TRANK1: variants seen among roughly 807,000 people sequenced by gnomAD.
TRANK1 encodes TPR and ankyrin repeat-containing protein 1.
In TRANK1, 198 loss-of-function variants were observed where a neutral mutation model predicts 266.0. The ratio of observed to expected loss-of-function variants is 0.74; its 90% CI spans 0.66 to 0.84. The LOEUF is 0.84. Among genes scored for constraint, TRANK1 ranks in the 40% least tolerant of loss-of-function variants. The probability of loss-of-function intolerance (pLI) is 0.00; values close to 1 mark genes in which losing one functional copy is unlikely to be tolerated. For missense variants in TRANK1, 3,326 were observed against 3,634.6 expected, an observed-to-expected ratio of 0.92 and a Z score of 2.18; for synonymous variants, 1,396 against 1,384.1, an observed-to-expected ratio of 1.01 and a Z score of -0.19.
chr3:36,936,832 T>G (rs886407411), intron 1 of TRANK1, among the ~76,000 whole-genome samples: 4 of 152,220 alleles, frequency 2.6e-5, no homozygotes, highest in Non-Finnish European at 5.9e-5. Context: ...GACGGCATGA[T>G]GGCTCACGCC....
chr3:36,941,905 G>A (rs1042390499), intron 1 of TRANK1, among the ~76,000 whole-genome samples: 38 of 152,196 alleles, frequency 2.5e-4, no homozygotes, highest in Admixed American at 1.6e-3. Context: ...GCACTGACAT[G>A]TCAGCCCCAC....
chr3:36,922,890 C>A (rs2080235478), intron 1 of TRANK1, among the ~76,000 whole-genome samples: 1 of 152,134 alleles, frequency 6.6e-6, no homozygotes, highest in Non-Finnish European at 1.5e-5. Flanking sequence ...TCTGTGGAGT[C>A]CTAATTAGGA....
chr3:36,887,456 C>T (rs1010091711), intron 8 of TRANK1, among the ~76,000 whole-genome samples: 6 of 152,114 alleles, frequency 3.9e-5, no homozygotes, highest in African/African-American at 1.2e-4. Flanking sequence ...AATATAATAA[C>T]GTCCCACCAC....
chr3:36,867,118 G>A (rs1379919085), intron 9 of TRANK1, among the ~76,000 whole-genome samples: 1 of 151,950 alleles, frequency 6.6e-6, no homozygotes, highest in Admixed American at 6.6e-5. Flanking sequence ...TATCTGGCTA[G>A]CATCCCTGGA....
At position 36,861,115 on chromosome 3, in the gene TRANK1, G is replaced by C; in HGVS notation, c.1286C>G (p.Thr429Ser). The C allele has an allele frequency of 6.5e-7, 1 of 1,537,408 alleles. No homozygotes were observed. The highest frequency in any genetic ancestry group is 1.2e-5 in the South Asian group (1 of 84,062). ...LVCDINQDCA[T>S]TVFKFLLEKQ... ...TTCCAATAAGAATTTGAAGACGGTGGTGGCACAGTCTTGATTAATATCACA... is the reference window on the plus strand; with the variant it reads ...TTCCAATAAGAATTTGAAGACGGTGCTGGCACAGTCTTGATTAATATCACA... The change falls in exon 11 of 24, where the codon ACC becomes AGC. Residue 429 changes from threonine to serine, a missense_variant. Physicochemically the swap from Thr to Ser is moderately conservative, Grantham distance 58 (BLOSUM62 1). Transcript: ENST00000645898.
chr3:36,916,205 C>T (rs2080121866), intron 1 of TRANK1, among the ~76,000 whole-genome samples: 1 of 152,180 alleles, frequency 6.6e-6, no homozygotes, highest in Non-Finnish European at 1.5e-5. Context: ...CAATACATAG[C>T]CACATGTGGC....
intron 1 of TRANK1, among the ~76,000 whole-genome samples, chr3:36,911,657 T>C (rs958095279): frequency 6.6e-6 from 1 of 152,216 alleles, no homozygotes; most frequent in African/African-American, 2.4e-5. Context: ...ATAGGATTCA[T>C]TGAGAGTTAC....
At chr3:36,940,696 C>T (rs1355734540) in intron 1 of TRANK1, among the ~76,000 whole-genome samples, 2 of 152,256 alleles carry the variant, frequency 1.3e-5, no homozygotes, top group Non-Finnish European at 2.9e-5. Context: ...TAATCCTTTT[C>T]CACAGGTCTA....
At chr3:36,850,320 T>C (rs2078969712) in intron 15 of TRANK1, 5 of 985,310 alleles carry the variant, frequency 5.1e-6, no homozygotes, top group East Asian at 1.1e-4. Context: ...ACAGCAATGA[T>C]ACACTAATTG....
chr3:36,890,409 TG>T (rs1335889375), intron 7 of TRANK1, among the ~76,000 whole-genome samples: 6 of 152,158 alleles, frequency 3.9e-5, no homozygotes, highest in African/African-American at 1.4e-4. Context: ...CTTGAGGCAC[TG>T]GGGCTGGCCT....
At position 36,944,839 on chromosome 3, in the gene TRANK1, C is replaced by A; in HGVS notation, c.-30G>T. 1 of 1,450,464 alleles carries A rather than the reference C, an allele frequency of 6.9e-7. No individual in the cohort carries two copies. Among genetic ancestry groups the A allele is most frequent in the East Asian group, 3.0e-5 (1 of 33,180 alleles). 89.8% of individuals were successfully genotyped at this position (1,450,464 alleles called of 1,614,324 possible). A position where few individuals can be genotyped will look rare whatever the true frequency, so the allele number is the denominator to read the frequency against. On this transcript the variant is annotated 5_prime_UTR_variant, in exon 1 of 24. Transcript: ENST00000645898. ...GCGGCCGGAGGGTCCGCACCAGGAC[C>A]GCCGCCGCCTGGGGAAGCGCTTCCC...
intron 4 of TRANK1, among the ~76,000 whole-genome samples, chr3:36,897,094 G>A (rs1185324989): frequency 1.3e-5 from 2 of 152,126 alleles, no homozygotes; most frequent in African/African-American, 2.4e-5. Context: ...CTGAGGTTAG[G>A]AGTTCGAGAC....
At chr3:36,924,511 A>T (rs1296362213) in intron 1 of TRANK1, among the ~76,000 whole-genome samples, 3 of 152,246 alleles carry the variant, frequency 2.0e-5, no homozygotes, top group Non-Finnish European at 4.4e-5. Context: ...CTCAAAAAAG[A>T]GAAATGTGTA....
intron 21 of TRANK1, 136 bp from the exon 22 acceptor site, chr3:36,834,055 G>A (rs2078735213): frequency 2.4e-6 from 2 of 838,322 alleles, no homozygotes; most frequent in Non-Finnish European, 3.5e-6. Flanking sequence ...AACTTGTCAA[G>A]CATTCAAGTA....
intron 1 of TRANK1, among the ~76,000 whole-genome samples, chr3:36,913,137 A>G (rs2080076399): frequency 6.6e-6 from 1 of 151,290 alleles, no homozygotes; most frequent in Non-Finnish European, 1.5e-5. Flanking sequence ...CATCTCTCGA[A>G]TTCAAGCCAT....
chr3:36,831,476 C>A lies in TRANK1; in HGVS notation c.8107G>T (p.Asp2703Tyr). ...EMDELALEDR[D>Y]HVLATILSQK... ...GAAAGAATGGTGGCCAGGACGTGGT[C>A]TCGGTCTTCTAATGCCAGTTCATCC... is the stretch of plus-strand genomic sequence containing the variant. Residue 2703 changes from aspartate (D) to tyrosine (Y), a missense_variant, in exon 22 of 24, where the codon GAC (aspartate) becomes TAC (tyrosine). Transcript: ENST00000645898. This position sits in a 1 kb window ranked among gnomAD's most constrained non-coding sequence, Gnocchi z 5.0. The A allele has an allele frequency of 6.2e-7, 1 of 1,613,226 alleles. No individual in the cohort carries two copies. The highest frequency in any genetic ancestry group is 1.7e-5 in the Admixed American group (1 of 59,908).
intron 11 of TRANK1, among the ~76,000 whole-genome samples, 165 bp from the exon 12 acceptor site, chr3:36,859,059 A>G (rs2079097965): frequency 6.6e-6 from 1 of 152,238 alleles, no homozygotes; most frequent in African/African-American, 2.4e-5. Context: ...GGCTTCTGCC[A>G]GTAGCCACAA....
intron 1 of TRANK1, among the ~76,000 whole-genome samples, chr3:36,930,066 G>A (rs930829080): frequency 6.6e-6 from 1 of 152,066 alleles, no homozygotes; most frequent in Non-Finnish European, 1.5e-5. Context: ...TAGTAAAGAC[G>A]GGGTTTCACC....
rs1193080025 is a variant in TRANK1, at chr3:36,833,585, C to G, written c.5998G>C (p.Val2000Leu). 1 of 1,613,850 alleles carries G rather than the reference C, an allele frequency of 6.2e-7. No homozygotes were observed. Residue 2000 changes from valine to leucine, a missense_variant, in exon 22 of 24, where the codon GTG becomes CTG. Transcript: ENST00000645898. ...TGTTCTATGTCGGAATCCCTGGCCACATTGAGGCGGGCGGCCCCCAGCAGA... is the reference window on the plus strand; with the variant it reads ...TGTTCTATGTCGGAATCCCTGGCCAGATTGAGGCGGGCGGCCCCCAGCAGA... ...SCLLGAARLNVARDSDIEHTK... is the reference protein window; with the variant it reads ...SCLLGAARLNLARDSDIEHTK...
Sources: allele counts gnomAD v4.1 joint callset (sites outside exome capture counted in the v4.1 genomes callset), GRCh38; gene constraint gnomAD v4.1.1; non-coding constraint Gnocchi (gnomAD v3.1); transcripts MANE v1.5; gene names NCBI Gene and HGNC (gene_info 2026-07-23, HGNC 2026-07-21).